CDH13: variants seen among roughly 807,000 people sequenced by gnomAD.
CDH13 encodes the protein cadherin-13.
In CDH13, 24 loss-of-function variants were observed where a neutral mutation model predicts 63.8. The ratio of observed to expected loss-of-function variants is 0.38; its 90% CI spans 0.27 to 0.53. The LOEUF is 0.53. Among genes scored for constraint, CDH13 ranks in the 20% least tolerant of loss-of-function variants. CDH13 has a pLI of 0.85. For missense variants in CDH13, 1,049 were observed against 903.1 expected (o/e 1.16, Z -2.07); for synonymous variants, 503 against 355.3 (o/e 1.42, Z -4.67).
At chr16:83,521,067 A>T (rs974938595) in intron 7 of CDH13, among the ~76,000 whole-genome samples, 1 of 152,244 alleles carries the variant, frequency 6.6e-6, no homozygotes, top group African/African-American at 2.4e-5. Flanking sequence ...TTTTTAAAGC[A>T]ACATGCTCTC....
intron 2 of CDH13, among the ~76,000 whole-genome samples, chr16:82,918,327 A>C (rs1211812974): frequency 6.6e-6 from 1 of 152,136 alleles, no homozygotes; most frequent in Non-Finnish European, 1.5e-5. Flanking sequence ...ACACGGAGAA[A>C]ATGGTGATTA....
intron 1 of CDH13, among the ~76,000 whole-genome samples, chr16:82,632,817 T>G (rs952701156): frequency 6.6e-6 from 1 of 152,180 alleles, no homozygotes; most frequent in Non-Finnish European, 1.5e-5. Context: ...CACTATAATT[T>G]AGAATTACTG....
At chr16:83,596,299 A>G (rs1235224295) in intron 7 of CDH13, among the ~76,000 whole-genome samples, 1 of 152,166 alleles carries the variant, frequency 6.6e-6, no homozygotes, top group African/African-American at 2.4e-5. Flanking sequence ...CAAAACATTC[A>G]AGGCAAAAAT....
At chr16:83,518,059 C>A (rs186306922) in intron 7 of CDH13, among the ~76,000 whole-genome samples, 78 of 152,242 alleles carry the variant, frequency 5.1e-4, no homozygotes, top group African/African-American at 1.9e-3. Flanking sequence ...ATAGGAGGGA[C>A]CTGGTGGGAG....
chr16:83,743,180 C>T (rs926078691), intron 10 of CDH13, among the ~76,000 whole-genome samples: 5 of 152,132 alleles, frequency 3.3e-5, no homozygotes, highest in Non-Finnish European at 5.9e-5. Flanking sequence ...TGCACTCCAG[C>T]CTGGGCGACA....
At chr16:83,498,124 C>T (rs2074190648) in intron 7 of CDH13, among the ~76,000 whole-genome samples, 1 of 152,094 alleles carries the variant, frequency 6.6e-6, no homozygotes, top group African/African-American at 2.4e-5. Context: ...TGGAGGGAAC[C>T]ATCTTGGAAT....
intron 5 of CDH13, among the ~76,000 whole-genome samples, chr16:83,312,707 C>G (rs2090026781): frequency 6.6e-6 from 1 of 152,186 alleles, no homozygotes; most frequent in Non-Finnish European, 1.5e-5. Flanking sequence ...AAGTCACAAT[C>G]TATAGGCATC....
intron 3 of CDH13, among the ~76,000 whole-genome samples, chr16:83,084,426 C>A (rs1009064281): frequency 1.3e-5 from 2 of 152,176 alleles, no homozygotes; most frequent in Non-Finnish European, 2.9e-5. Flanking sequence ...GTGTGACCTC[C>A]TATTGTCAGA....
intron 2 of CDH13, among the ~76,000 whole-genome samples, chr16:82,966,128 T>C (rs1416959420): frequency 6.6e-6 from 1 of 152,154 alleles, no homozygotes; most frequent in Non-Finnish European, 1.5e-5. Context: ...GAGAAGTAGA[T>C]ACTATTTTTC....
chr16:83,020,681 A>G (rs1477322369), intron 2 of CDH13, among the ~76,000 whole-genome samples: 4 of 152,188 alleles, frequency 2.6e-5, no homozygotes, highest in Non-Finnish European at 5.9e-5. Context: ...TAGGAAACCA[A>G]TATTGTGTTC....
chr16:83,494,668 C>G (rs771714385), intron 7 of CDH13, among the ~76,000 whole-genome samples: 2 of 152,182 alleles, frequency 1.3e-5, no homozygotes, highest in African/African-American at 2.4e-5. Context: ...TATGATTCCA[C>G]TGGAAAGCAG....
intron 1 of CDH13, among the ~76,000 whole-genome samples, chr16:82,760,896 G>A (rs1280710594): frequency 1.3e-5 from 2 of 151,862 alleles, no homozygotes; most frequent in Non-Finnish European, 1.5e-5. Flanking sequence ...AACTAATAGA[G>A]GGAGAACTCA....
Position 83,467,955 on chromosome 16 carries a change from A to C in CDH13, c.782-18522A>C, listed in dbSNP as rs138661489. Among the ~76,000 whole-genome samples the C allele has an allele frequency of 5.3e-5, 8 of 152,304 alleles. No individual in the cohort carries two copies. The East Asian group carries it at 9.7e-4, about 18-fold the overall frequency. On this transcript the variant is annotated intron_variant, in intron 6 of 13. Coordinates refer to ENST00000567109, the MANE Select transcript of CDH13 (RefSeq NM_001257.5). ...TTCTGTGAGGTAGGATGAGGTTAGAAGCAAAGTTGCCTCTTTTTCTCCTCT... is the reference window on the plus strand; with the variant it reads ...TTCTGTGAGGTAGGATGAGGTTAGACGCAAAGTTGCCTCTTTTTCTCCTCT...
chr16:83,343,810 C>T (rs1052782551), intron 5 of CDH13, among the ~76,000 whole-genome samples: 1 of 152,170 alleles, frequency 6.6e-6, no homozygotes, highest in Admixed American at 6.5e-5. Flanking sequence ...ATCTGGACTC[C>T]ACCATTTATC....
intron 7 of CDH13, among the ~76,000 whole-genome samples, chr16:83,601,409 GA>G (rs575004087): frequency 6.6e-6 from 1 of 152,164 alleles, no homozygotes; most frequent in Non-Finnish European, 1.5e-5. Flanking sequence ...ATATTGAGAT[GA>G]AAAACACTTA....
rs1205189812 is a variant in CDH13, at chr16:83,379,944, G to T, written c.781+34938G>T. Reference sequence around the variant, plus strand: ...GTATATATATATATATATATAGAGAGAGAGAGAGAGAGAGAGAGAGAGACT... The same window carrying T: ...GTATATATATATATATATATAGAGATAGAGAGAGAGAGAGAGAGAGAGACT... On this transcript the variant is annotated intron_variant, in intron 6 of 13. Transcript: ENST00000567109. 7.8e-3 allele frequency among the ~76,000 whole-genome samples: 957 copies of T among 123,052 alleles called. 4 individuals carry two copies. The highest frequency in any genetic ancestry group is 0.024 in the East Asian group (103 of 4,304). 80.7% of individuals were successfully genotyped at this position (123,052 alleles called of 152,430 possible).
rs145578453 is a variant in CDH13, at chr16:82,820,199, C to T, written c.46-38163C>T. ...TTTTTACTGCTCCTCTTTAAAATGA[C>T]AGCATCACCACAAAGGAGATGAAAT... On this transcript the variant is annotated intron_variant, in intron 1 of 13. Transcript: ENST00000567109. Among the ~76,000 whole-genome samples the T allele has an allele frequency of 2.9e-3, 437 of 152,234 alleles. 2 individuals carry two copies. The highest frequency in any genetic ancestry group is 4.2e-3 in the Non-Finnish European group (285 of 68,008).
intron 6 of CDH13, among the ~76,000 whole-genome samples, chr16:83,406,009 C>G (rs956287992): frequency 5.3e-5 from 8 of 152,200 alleles, no homozygotes; most frequent in African/African-American, 1.7e-4. Context: ...TTGGGCACTC[C>G]CACCTTCTTC....
intron 1 of CDH13, among the ~76,000 whole-genome samples, chr16:82,723,652 C>T (rs886576509): frequency 6.6e-6 from 1 of 152,214 alleles, no homozygotes; most frequent in African/African-American, 2.4e-5. Context: ...ATCCAAACTC[C>T]TGTGCAAATA....
Sources: gnomAD v4.1 joint callset for allele counts (sites outside exome capture counted in the v4.1 genomes callset) on GRCh38, gnomAD v4.1.1 for gene constraint, MANE v1.5 for transcripts, NCBI Gene and HGNC (gene_info 2026-07-23, HGNC 2026-07-21) for gene names.